Variants in ALOXE3 observed in about 807,000 individuals in gnomAD.
ALOXE3 encodes the protein arachidonate epidermal lipoxygenase 3.
A neutral mutation model predicts 87.5 loss-of-function variants in ALOXE3; 78 were observed. The ratio of observed to expected loss-of-function variants is 0.89; its 90% CI spans 0.74 to 1.08. The LOEUF (loss-of-function observed/expected upper bound fraction) is 1.08. Among genes scored for constraint, ALOXE3 ranks in the 50% least tolerant of loss-of-function variants. The pLI is 0.00. For missense variants in ALOXE3, 946 were observed against 912.4 expected (o/e 1.04, Z -0.47); for synonymous variants, 363 against 370.8 (o/e 0.98, Z 0.24).
chr17:8,115,151 A>C lies in ALOXE3; in HGVS notation c.435-94T>G, dbSNP rs1057363884. 5.3e-6 allele frequency: 8 copies of C among 1,509,986 alleles called. No homozygotes were observed. In the Admixed American group the frequency reaches 6.8e-5, roughly 13 times the overall value. The allele number at this position is 1,509,986 out of a possible 1,614,324, so 93.5% of individuals were successfully genotyped here. ...CACGGCTTCAGATTAAAACTTCAAA[A>C]ACCACCTACTTTCTGGATGAGTGAC... On this transcript the variant is annotated intron_variant, in intron 4 of 15. Transcript: ENST00000448843.
At chr17:8,105,416 T>C (rs1374433695) in intron 13 of ALOXE3, among the ~76,000 whole-genome samples, 7 of 152,200 alleles carry the variant, frequency 4.6e-5, no homozygotes, top group Non-Finnish European at 1.0e-4. Flanking sequence ...ATGATCTCTT[T>C]ACCTTGACAC....
intron 15 of ALOXE3, 60 bp downstream of exon 15, chr17:8,103,263 C>T: frequency 6.3e-7 from 1 of 1,599,322 alleles, no homozygotes; most frequent in Non-Finnish European, 8.6e-7. Flanking sequence ...GACGAAGCCA[C>T]CACCACCCCT....
intron 15 of ALOXE3, among the ~76,000 whole-genome samples, chr17:8,102,920 G>A (rs1281991570): frequency 2.6e-5 from 4 of 152,286 alleles, no homozygotes; most frequent in South Asian, 4.1e-4. Flanking sequence ...CCTACAACAC[G>A]GTGGTGCCCT....
Position 8,118,027 on chromosome 17 carries a change from C to G in ALOXE3, c.-37G>C, listed in dbSNP as rs1980765994. On this transcript the variant is annotated 5_prime_UTR_variant, in exon 2 of 16. Transcript: ENST00000448843. ...GGAAGGGATGCCCCGGCAACGCTGG[C>G]CGCAGCAGCAGCCGGCCTGGAGGAG... 1 of 1,604,132 alleles carries G rather than the reference C, an allele frequency of 6.2e-7. No individual in the cohort carries two copies. The highest frequency in any genetic ancestry group is 8.5e-7 in the Non-Finnish European group (1 of 1,177,634).
At chr17:8,116,055 T>C (rs1321028775) in intron 3 of ALOXE3, among the ~76,000 whole-genome samples, 3 of 152,226 alleles carry the variant, frequency 2.0e-5, no homozygotes, top group Non-Finnish European at 4.4e-5. Flanking sequence ...TGAACAAATA[T>C]ATTTTGTGAA....
chr17:8,111,561 C>T (rs148860061), intron 7 of ALOXE3, 30 bp from the exon 8 acceptor site: 1 of 1,611,806 alleles, frequency 6.2e-7, no homozygotes, highest in Non-Finnish European at 8.5e-7. Flanking sequence ...ACCAGTTGGT[C>T]TAGAAACTAC....
upstream of ALOXE3, chr17:8,118,625 C>T (rs3027230): frequency 1.9e-3 from 2,899 of 1,536,284 alleles, 2 homozygotes; most frequent in Non-Finnish European, 2.3e-3. Flanking sequence ...TCAGGAACAG[C>T]TCCCTGTCAC....
intron 15 of ALOXE3, among the ~76,000 whole-genome samples, chr17:8,099,028 T>C (rs1023592589): frequency 4.0e-5 from 6 of 149,066 alleles, no homozygotes; most frequent in South Asian, 2.1e-4. Context: ...TTTTCTTTTT[T>C]TTTTTTTTTT....
At chr17:8,116,738 C>G in intron 3 of ALOXE3, 38 bp downstream of exon 3, 1 of 1,603,612 alleles carries the variant, frequency 6.2e-7, no homozygotes, top group East Asian at 2.2e-5. Flanking sequence ...CCAAAGGACA[C>G]CTTCTGCAGT....
intron 2 of ALOXE3, among the ~76,000 whole-genome samples, 170 bp downstream of exon 2, chr17:8,117,674 G>A (rs1980717343): frequency 6.6e-6 from 1 of 152,186 alleles, no homozygotes; most frequent in African/African-American, 2.4e-5. Context: ...AGTCCTGCCT[G>A]GATGGAGTTC....
Position 8,107,854 on chromosome 17 carries a change from A to G in ALOXE3, c.1684+614T>C, listed in dbSNP as rs1205691467. On this transcript the variant is annotated intron_variant, in intron 13 of 15. Coordinates refer to ENST00000448843, the MANE Select transcript of ALOXE3 (RefSeq NM_021628.3). Reference sequence around the variant, plus strand: ...GAAAGAAAGAAAGAAAGAAAGAAAGAAAGAAAGAAAGAAAGAAAGAAAGAA... The same window carrying G: ...GAAAGAAAGAAAGAAAGAAAGAAAGGAAGAAAGAAAGAAAGAAAGAAAGAA... 6.0e-3 allele frequency among the ~76,000 whole-genome samples: 16 copies of G among 2,680 alleles called. 1 individual carries two copies. The highest frequency in any genetic ancestry group is 0.013 in the South Asian group (1 of 78). 1.8% of individuals were successfully genotyped at this position (2,680 alleles called of 152,430 possible).
At chr17:8,103,615 C>A (rs1051885507) in intron 14 of ALOXE3, 122 bp from the exon 15 acceptor site, 1 of 1,111,416 alleles carries the variant, frequency 9.0e-7, no homozygotes, top group Non-Finnish European at 1.3e-6. Context: ...GAGGGGATCA[C>A]GGAAAGGCAA....
At chr17:8,114,194 A>AGTGG (rs1980368690) in intron 6 of ALOXE3, among the ~76,000 whole-genome samples, 1 of 150,644 alleles carries the variant, frequency 6.6e-6, no homozygotes, top group Non-Finnish European at 1.5e-5. Flanking sequence ...ATTAACACCC[A>AGTGG]GTGGGTGGGA....
At chr17:8,099,660 CAA>C (rs765798080) in intron 15 of ALOXE3, among the ~76,000 whole-genome samples, 17 of 107,906 alleles carry the variant, frequency 1.6e-4, no homozygotes, top group Non-Finnish European at 1.2e-4. Context: ...GACTCTGTCT[CAA>C]AAAAAAAAAA....
At position 8,110,088 on chromosome 17, in the gene ALOXE3, G is replaced by A; in HGVS notation, c.1305+4C>T. 1.2e-6 allele frequency: 2 copies of A among 1,611,180 alleles called. No homozygotes were observed. The highest frequency in any genetic ancestry group is 1.7e-6 in the Non-Finnish European group (2 of 1,178,692). Reference sequence around the variant, plus strand: ...CCGCTGGGCCCCCACCCGGGGTCGCGGACCTTGTAGATGGGGTGGCAGAGC... The same window carrying A: ...CCGCTGGGCCCCCACCCGGGGTCGCAGACCTTGTAGATGGGGTGGCAGAGC... On this transcript the variant is annotated splice_donor_region_variant and intron_variant, in intron 10 of 15. Transcript: ENST00000448843.
chr17:8,111,019 T>C (rs1191782151), intron 8 of ALOXE3, among the ~76,000 whole-genome samples: 1 of 152,208 alleles, frequency 6.6e-6, no homozygotes, highest in East Asian at 1.9e-4. Flanking sequence ...GGCCCTACCA[T>C]TGGCCTGTCC....
chr17:8,107,978 G>A (rs1397321871), intron 13 of ALOXE3, among the ~76,000 whole-genome samples: 1 of 18,228 alleles, frequency 5.5e-5, no homozygotes, highest in African/African-American at 2.1e-4. Context: ...GAGAGAGAGA[G>A]AGAGAAAGAA....
intron 8 of ALOXE3, 123 bp from the exon 9 acceptor site, chr17:8,110,651 T>G: frequency 7.1e-7 from 1 of 1,408,478 alleles, no homozygotes; most frequent in Admixed American, 2.1e-5. Context: ...CAGAAATTCT[T>G]GGTGCCTGAA....
chr17:8,096,612 G>A lies in ALOXE3; in HGVS notation c.*15C>T, dbSNP rs1413768002. 8 of 1,113,094 alleles carry A rather than the reference G, an allele frequency of 7.2e-6. No homozygotes were observed. The highest frequency in any genetic ancestry group is 1.1e-5 in the Non-Finnish European group (8 of 722,544). The allele number at this position is 1,113,094 out of a possible 1,614,324, so 69.0% of individuals were successfully genotyped here. A position where few individuals can be genotyped will look rare whatever the true frequency, so the allele number is the denominator to read the frequency against. On this transcript the variant is annotated 3_prime_UTR_variant, in exon 16 of 16. Coordinates refer to ENST00000448843, the MANE Select transcript of ALOXE3 (RefSeq NM_021628.3). ...CTTGGACCTTTCTTTCTTCTTGGGT[G>A]GTATTTGGGGGTGGTTAGATGGAGA... is the stretch of plus-strand genomic sequence containing the variant.
Sources: allele counts gnomAD v4.1 joint callset (sites outside exome capture counted in the v4.1 genomes callset), GRCh38; gene constraint gnomAD v4.1.1; transcripts MANE v1.5; gene names NCBI Gene and HGNC (gene_info 2026-07-23, HGNC 2026-07-21).